Variants in GTF3C1 observed in about 807,000 individuals in gnomAD.
The protein encoded by GTF3C1 is general transcription factor 3C polypeptide 1.
Under a neutral mutation model 226.7 loss-of-function variants are expected in GTF3C1, and 57 were observed. That is an observed-to-expected ratio of 0.25 (90% CI 0.20 to 0.31). The LOEUF (loss-of-function observed/expected upper bound fraction) is 0.31. Ranked by LOEUF, GTF3C1 falls within the 10% of genes least tolerant of loss-of-function variation. GTF3C1 has a pLI of 1.00. For missense variants in GTF3C1, 2,217 were observed against 2,776.1 expected, an observed-to-expected ratio of 0.80 and a Z score of 4.53; for synonymous variants, 1,090 against 1,084.8, an observed-to-expected ratio of 1.00 and a Z score of -0.09.
chr16:27,467,585 G>A (rs916738590), intron 32 of GTF3C1, among the ~76,000 whole-genome samples: 3 of 152,134 alleles, frequency 2.0e-5, no homozygotes, highest in Non-Finnish European at 4.4e-5. Context: ...AAATACATTT[G>A]ATGGCCGGAC....
At position 27,528,670 on chromosome 16, in the gene GTF3C1, C is replaced by T. The variant is rs202164837; in HGVS notation, c.901G>A (p.Gly301Arg). Residue 301 changes from glycine to arginine, a missense_variant, in exon 6 of 37, where the codon GGG becomes AGG. By Grantham distance (125) the Gly-to-Arg change is moderately radical (BLOSUM62 -2). Coordinates refer to ENST00000356183, the MANE Select transcript of GTF3C1 (RefSeq NM_001520.4). ...CGAAGAGACACCACCTTGGCTAGCCCGGCGTTCAGCATATACTGGTACAGA... is the reference window on the plus strand; with the variant it reads ...CGAAGAGACACCACCTTGGCTAGCCTGGCGTTCAGCATATACTGGTACAGA... ...KRLYQYMLNA[G>R]LAKVVSLRLQ... 5.3e-5 allele frequency: 85 copies of T among 1,612,604 alleles called. No homozygotes were observed. The highest frequency in any genetic ancestry group is 5.1e-4 in the East Asian group (23 of 44,890).
rs2089021400 is a variant in GTF3C1, at chr16:27,537,683, C to T, written c.752+101G>A. ...TCAGCCTCCCAAAGGGCTATGATTA[C>T]AGGTATGAGCCACTGTACCCAGCTG... On this transcript the variant is annotated intron_variant, in intron 4 of 36. Transcript: ENST00000356183. 3.8e-5 allele frequency: 30 copies of T among 786,330 alleles called. No individual in the cohort carries two copies. In the Middle Eastern group the frequency reaches 1.4e-3, roughly 38 times the overall value. 48.7% of individuals were successfully genotyped at this position (786,330 alleles called of 1,614,324 possible). A position where few individuals can be genotyped will look rare whatever the true frequency, so the allele number is the denominator to read the frequency against.
At chr16:27,476,353 A>T in intron 29 of GTF3C1, 98 bp downstream of exon 29, 1 of 723,206 alleles carries the variant, frequency 1.4e-6, no homozygotes, top group South Asian at 1.6e-5. Context: ...GAATCAGCCC[A>T]AGAGCCCACA....
intron 1 of GTF3C1, among the ~76,000 whole-genome samples, chr16:27,548,435 T>C (rs2141472900): frequency 6.6e-6 from 1 of 152,154 alleles, no homozygotes; most frequent in African/African-American, 2.4e-5. Context: ...CCAGGCTAAT[T>C]TTTGTATTTT....
intron 13 of GTF3C1, among the ~76,000 whole-genome samples, chr16:27,498,101 C>T (rs1307778667): frequency 2.6e-5 from 4 of 152,190 alleles, no homozygotes; most frequent in East Asian, 1.9e-4. Context: ...TGTGCATCAA[C>T]GCTAGAAGTC....
In GTF3C1 at chr16:27,469,791, C is replaced by A. The variant is rs998138135; in HGVS notation, c.4815-241G>T. Among the ~76,000 whole-genome samples, 1 of 152,158 alleles carries A rather than the reference C, an allele frequency of 6.6e-6. No homozygotes were observed. The highest frequency in any genetic ancestry group is 1.5e-5 in the Non-Finnish European group (1 of 68,028). On this transcript the variant is annotated intron_variant, in intron 31 of 36. Coordinates refer to ENST00000356183, the MANE Select transcript of GTF3C1 (RefSeq NM_001520.4). This position sits in a 1 kb window ranked among gnomAD's most constrained non-coding sequence, Gnocchi z 4.5. ...ATCTCTGTGGGGACTGTTCCTTTTGCCCGTCTCTCAGCCCAGAAAACACCC... is the reference window on the plus strand; with the variant it reads ...ATCTCTGTGGGGACTGTTCCTTTTGACCGTCTCTCAGCCCAGAAAACACCC...
At position 27,497,807 on chromosome 16, in the gene GTF3C1, TGG is replaced by T; in HGVS notation, c.2178_2179del (p.Gln727AlafsTer31). On this transcript the variant is annotated frameshift_variant, in exon 14 of 37. Coordinates refer to ENST00000356183, the MANE Select transcript of GTF3C1 (RefSeq NM_001520.4). LOFTEE classifies it high-confidence loss of function. ...TGCCTCCCCTTGGGGCACTGGAGGC[TGG>T]GAAGTTTTAACCCTGCAGTTCAAAT... The T allele has an allele frequency of 6.2e-7, 1 of 1,612,628 alleles. No homozygotes were observed. Among genetic ancestry groups the T allele is most frequent in the Non-Finnish European group, 8.5e-7 (1 of 1,179,428 alleles).
At chr16:27,527,243 G>A (rs772109033) in intron 6 of GTF3C1, among the ~76,000 whole-genome samples, 1 of 152,202 alleles carries the variant, frequency 6.6e-6, no homozygotes, top group African/African-American at 2.4e-5. Flanking sequence ...ATGCAATGGC[G>A]TGATCTCAGC....
chr16:27,468,085 G>A (rs1191819005), intron 32 of GTF3C1, among the ~76,000 whole-genome samples: 1 of 152,072 alleles, frequency 6.6e-6, no homozygotes, highest in South Asian at 2.1e-4. Flanking sequence ...ATGACTTTGA[G>A]GGGTTCAAGT....
At chr16:27,466,565 C>T (rs1205541787) in intron 32 of GTF3C1, among the ~76,000 whole-genome samples, 1 of 152,134 alleles carries the variant, frequency 6.6e-6, no homozygotes, top group African/African-American at 2.4e-5. Flanking sequence ...CCTCTGCATT[C>T]AAGTGAAAGG....
chr16:27,505,904 G>A lies in GTF3C1; in HGVS notation c.1765C>T (p.Pro589Ser), dbSNP rs772177477. The A allele has an allele frequency of 6.3e-7, 1 of 1,587,116 alleles. No individual in the cohort carries two copies. The highest frequency in any genetic ancestry group is 8.7e-7 in the Non-Finnish European group (1 of 1,155,560). ...CTCCCTCTGCATGCACTGACCTTTG[G>A]GTTTTCCATCCGGACCTCCTCGATC... ...AVIEEVRMENPKESSSSLKTG... is the reference protein window; with the variant it reads ...AVIEEVRMENSKESSSSLKTG... The change falls in exon 10 of 37, where the codon CCA (proline) becomes TCA (serine). Residue 589 changes from proline to serine, a missense_variant. Around this residue, in one of 12 missense-constraint regions of GTF3C1, gnomAD observed 173 missense variants for 207.2 expected, o/e 0.83. Transcript: ENST00000356183.
rs1259087035 is a variant in GTF3C1 at position 27,492,766 on chromosome 16, C to T, written c.2877-53G>A. 12 of 991,920 alleles carry T rather than the reference C, an allele frequency of 1.2e-5. No individual in the cohort carries two copies. Among genetic ancestry groups the T allele is most frequent in the Non-Finnish European group, 1.5e-5 (9 of 612,422 alleles). The allele number at this position is 991,920 out of a possible 1,614,324, so 61.4% of individuals were successfully genotyped here. Reference sequence around the variant, plus strand: ...TCATCACACCACACTCGCAGCCGGCCGCAGGGGTCTGCATGTGGGGTGAGG... The same window carrying T: ...TCATCACACCACACTCGCAGCCGGCTGCAGGGGTCTGCATGTGGGGTGAGG... On this transcript the variant is annotated intron_variant, in intron 17 of 36. Transcript: ENST00000356183. This position sits in a 1 kb window ranked among gnomAD's most constrained non-coding sequence, Gnocchi z 5.0.
Position 27,462,603 on chromosome 16 carries a change from A to T in GTF3C1, c.5925-117T>A. On this transcript the variant is annotated intron_variant, in intron 35 of 36. Coordinates refer to ENST00000356183, the MANE Select transcript of GTF3C1 (RefSeq NM_001520.4). This position sits in a 1 kb window ranked among gnomAD's most constrained non-coding sequence, Gnocchi z 4.5. ...TGGCCCAGGTCACAGGGCTGAGACC[A>T]GCCACCTCTTGCTCTCTGCTTTCCA... The T allele has an allele frequency of 1.4e-6, 1 of 703,484 alleles. No homozygotes were observed. The highest frequency in any genetic ancestry group is 2.4e-6 in the Non-Finnish European group (1 of 410,830). 43.6% of individuals were successfully genotyped at this position (703,484 alleles called of 1,614,324 possible).
intron 34 of GTF3C1, 76 bp downstream of exon 34, chr16:27,464,244 T>C: frequency 1.1e-6 from 1 of 892,926 alleles, no homozygotes; most frequent in South Asian, 2.8e-5. Flanking sequence ...CGGAGGAAGG[T>C]GTGAGGCCCA....
intron 21 of GTF3C1, 36 bp from the exon 22 acceptor site, chr16:27,488,671 G>T (rs1480409133): frequency 2.0e-6 from 3 of 1,536,724 alleles, no homozygotes; most frequent in Non-Finnish European, 9.0e-7. Flanking sequence ...TGAAGCATGA[G>T]CTTCCACAAA....
At chr16:27,547,526 C>T (rs184247111) in intron 1 of GTF3C1, among the ~76,000 whole-genome samples, 65 of 152,262 alleles carry the variant, frequency 4.3e-4, no homozygotes, top group Non-Finnish European at 7.2e-4. Flanking sequence ...CCTACTATGT[C>T]TTGACTGCCT....
At chr16:27,533,447 G>T in intron 4 of GTF3C1, 60 bp from the exon 5 acceptor site, 1 of 844,104 alleles carries the variant, frequency 1.2e-6, no homozygotes, top group Non-Finnish European at 2.1e-6. Flanking sequence ...AATATTTACT[G>T]CCTGTTTCTT....
At chr16:27,476,040 G>A (rs570435161) in intron 29 of GTF3C1, among the ~76,000 whole-genome samples, 12 of 152,156 alleles carry the variant, frequency 7.9e-5, no homozygotes, top group Non-Finnish European at 1.6e-4. Flanking sequence ...CAAAGCTTCA[G>A]TTCTATGAGA....
chr16:27,465,186 C>A (rs1200773702), intron 33 of GTF3C1, 74 bp downstream of exon 33: 3 of 1,370,178 alleles, frequency 2.2e-6, no homozygotes, highest in African/African-American at 1.4e-5. Flanking sequence ...TCAAGCCCAT[C>A]CTCAGTGTGC....
Sources: gnomAD v4.1 joint callset for allele counts (sites outside exome capture counted in the v4.1 genomes callset) on GRCh38, gnomAD v4.1.1 for gene constraint, gnomAD v4.1.1 regional missense constraint, Gnocchi (gnomAD v3.1) non-coding constraint, MANE v1.5 for transcripts, NCBI Gene and HGNC (gene_info 2026-07-23, HGNC 2026-07-21) for gene names.